Variants in CDH18 observed in about 807,000 individuals in gnomAD.
The protein encoded by CDH18 is cadherin 18, also known as cadherin-18.
Under a neutral mutation model 67.9 loss-of-function variants are expected in CDH18, and 31 were observed. That is an observed-to-expected ratio of 0.46 (90% confidence interval 0.34 to 0.62). CDH18 has a LOEUF of 0.62. CDH18 is among the 20% of genes least tolerant of loss of function. CDH18 has a pLI of 0.01. For synonymous variants in CDH18, 362 were observed against 347.2 expected, an observed-to-expected ratio of 1.04 and a Z score of -0.48; for missense variants, 890 against 975.5, an observed-to-expected ratio of 0.91 and a Z score of 1.17.
Position 19,709,140 on chromosome 5 carries a change from ACTGGCACTTACCACTCAC to A in CDH18, c.643+12189_643+12206del, listed in dbSNP as rs945940316. On this transcript the variant is annotated intron_variant, in intron 5 of 12. Coordinates refer to ENST00000382275, the MANE Select transcript of CDH18 (RefSeq NM_004934.5). ...TACCTCACCTGGCACTTACCCCTCA[ACTGGCACTTACCACTCAC>A]CTGGCACTTACCACTCACCTGGCAC... Among the ~76,000 whole-genome samples, 26 of 152,014 alleles carry A rather than the reference ACTGGCACTTACCACTCAC, an allele frequency of 1.7e-4. No individual in the cohort carries two copies. In the East Asian group the frequency reaches 2.5e-3, roughly 15 times the overall value.
intron 4 of CDH18, among the ~76,000 whole-genome samples, chr5:19,744,615 T>A (rs1464115785): frequency 6.6e-6 from 1 of 152,092 alleles, no homozygotes; most frequent in Non-Finnish European, 1.5e-5. Context: ...TCTGTTCTGA[T>A]TTATTTCAAC....
chr5:19,776,476 A>G (rs1271356444), intron 3 of CDH18, among the ~76,000 whole-genome samples: 1 of 152,202 alleles, frequency 6.6e-6, no homozygotes, highest in Non-Finnish European at 1.5e-5. Flanking sequence ...GAGGAAGAGG[A>G]TGGAAAGAAA....
intron 2 of CDH18, among the ~76,000 whole-genome samples, chr5:19,912,769 G>C (rs527856391): frequency 1.9e-4 from 29 of 152,264 alleles, no homozygotes; most frequent in African/African-American, 6.5e-4. Context: ...CAGGAGGAAA[G>C]AAGGGAAGCT....
chr5:20,419,081 G>A (rs775789927), intron 1 of CDH18, among the ~76,000 whole-genome samples: 19 of 151,962 alleles, frequency 1.3e-4, no homozygotes, highest in Admixed American at 2.6e-4. Flanking sequence ...GGACCCATGC[G>A]GAGGTAATTG....
intron 1 of CDH18, among the ~76,000 whole-genome samples, chr5:20,417,904 C>T (rs762236022): frequency 8.6e-4 from 131 of 152,126 alleles, no homozygotes; most frequent in Non-Finnish European, 1.5e-3. Context: ...GTTCCGAGGA[C>T]ATACCAGGCT....
chr5:20,304,900 G>A (rs1736284254), intron 1 of CDH18: 2 of 1,612,186 alleles, frequency 1.2e-6, no homozygotes, highest in Non-Finnish European at 1.7e-6. Context: ...AAAGATAGGT[G>A]TCAGATCACA....
At chr5:20,440,798 T>A (rs1749549448) in intron 1 of CDH18, among the ~76,000 whole-genome samples, 1 of 152,016 alleles carries the variant, frequency 6.6e-6, no homozygotes, top group Non-Finnish European at 1.5e-5. Context: ...TAAATAGCAT[T>A]GCTAGGCACC....
At chr5:20,280,479 T>A (rs1293959858) in intron 1 of CDH18, among the ~76,000 whole-genome samples, 1 of 152,206 alleles carries the variant, frequency 6.6e-6, no homozygotes, top group Non-Finnish European at 1.5e-5. Flanking sequence ...GCCCTTGCGA[T>A]AGTTTGCTGA....
At chr5:20,518,006 A>G (rs1234804575) in intron 1 of CDH18, among the ~76,000 whole-genome samples, 1 of 151,994 alleles carries the variant, frequency 6.6e-6, no homozygotes, top group Non-Finnish European at 1.5e-5. Context: ...CTCTTCCAGG[A>G]ACCTTTATTT....
intron 1 of CDH18, among the ~76,000 whole-genome samples, chr5:20,363,852 C>T (rs1251001473): frequency 1.3e-5 from 2 of 152,058 alleles, no homozygotes; most frequent in Non-Finnish European, 2.9e-5. Context: ...CTTCCAGCTA[C>T]CTTGCTGAAC....
rs771865565 is a variant in CDH18, at chr5:19,746,942, C to G, written c.523G>C (p.Gly175Arg). The G allele has an allele frequency of 6.2e-7, 1 of 1,602,974 alleles. No individual in the cohort carries two copies. The highest frequency in any genetic ancestry group is 1.1e-5 in the South Asian group (1 of 89,768). Residue 175 changes from glycine (G) to arginine (R), a missense_variant and splice_region_variant, in exon 4 of 13, where the codon GGT (glycine) becomes CGT (arginine). Physicochemically the swap from Gly to Arg is moderately radical, Grantham distance 125. This residue lies in a region of CDH18 where 234 missense variants were observed against 307.4 expected (regional missense o/e 0.76). Coordinates refer to ENST00000382275, the MANE Select transcript of CDH18 (RefSeq NM_004934.5). ...TAATCACAAAAATGATTTTTCTTAC[C>G]CATATCTGACATTTCAGGCACAGTA... is the stretch of plus-strand genomic sequence containing the variant. ...IVTVPEMSDM[G>R]TSVLQVTATD...
At chr5:20,462,654 A>T (rs528879724) in intron 1 of CDH18, among the ~76,000 whole-genome samples, 170 of 152,304 alleles carry the variant, frequency 1.1e-3, no homozygotes, top group African/African-American at 4.0e-3. Flanking sequence ...TTAAAGTCAT[A>T]GTTGTTATAA....
chr5:19,611,166 T>C (rs1748892809), intron 6 of CDH18, among the ~76,000 whole-genome samples: 3 of 152,082 alleles, frequency 2.0e-5, no homozygotes, highest in Admixed American at 2.0e-4. Context: ...TGGAAGGGGA[T>C]CTATGTACCT....
intron 2 of CDH18, among the ~76,000 whole-genome samples, chr5:19,862,840 A>C (rs1173977728): frequency 1.3e-5 from 2 of 151,864 alleles, no homozygotes; most frequent in East Asian, 3.9e-4. Context: ...TGGTGAGATC[A>C]ATAGACGAGG....
At chr5:20,561,961 C>A (rs1758242290) in intron 1 of CDH18, among the ~76,000 whole-genome samples, 1 of 151,650 alleles carries the variant, frequency 6.6e-6, no homozygotes, top group African/African-American at 2.4e-5. Flanking sequence ...TGGTATTATG[C>A]TAAGAGCTGC....
chr5:19,738,798 C>G (rs978322238), intron 4 of CDH18, among the ~76,000 whole-genome samples: 7 of 152,132 alleles, frequency 4.6e-5, no homozygotes, highest in Middle Eastern at 3.4e-3. Flanking sequence ...AGGCTTTATA[C>G]CTGAATGACG....
intron 1 of CDH18, chr5:20,303,993 A>C: frequency 1.0e-6 from 1 of 980,044 alleles, no homozygotes; most frequent in Non-Finnish European, 1.6e-6. Context: ...AGTCGAAGGG[A>C]TGGTGGAAGA....
intron 1 of CDH18, among the ~76,000 whole-genome samples, chr5:20,563,694 T>A (rs1758345454): frequency 6.6e-6 from 1 of 152,130 alleles, no homozygotes. Context: ...AGGCTCAAAT[T>A]AAACAACTGG....
intron 5 of CDH18, among the ~76,000 whole-genome samples, chr5:19,692,611 C>T (rs750170416): frequency 6.6e-6 from 1 of 151,474 alleles, no homozygotes; most frequent in Non-Finnish European, 1.5e-5. Flanking sequence ...ATGCAAATGG[C>T]CAACAGGTAT....
Sources: gnomAD v4.1 joint callset for allele counts (sites outside exome capture counted in the v4.1 genomes callset) on GRCh38, gnomAD v4.1.1 for gene constraint, gnomAD v4.1.1 regional missense constraint, MANE v1.5 for transcripts, NCBI Gene and HGNC (gene_info 2026-07-23, HGNC 2026-07-21) for gene names.